MEGF9: variants seen among roughly 807,000 people sequenced by gnomAD.
MEGF9 encodes the protein multiple EGF like domains 9, also known as multiple epidermal growth factor-like domains protein 9.
MEGF9 carries 6 observed loss-of-function variants against 46.8 expected under a neutral mutation model. The ratio of observed to expected loss-of-function variants is 0.13; its 90% CI spans 0.07 to 0.25. The LOEUF is 0.25. Ranked by LOEUF, MEGF9 falls within the 10% of genes least tolerant of loss-of-function variation. MEGF9 has a pLI of 1.00. For synonymous variants in MEGF9, 302 were observed against 330.7 expected (o/e 0.91, Z 0.94); for missense variants, 683 against 792.4 (o/e 0.86, Z 1.66).
rs1227902269 is a variant in MEGF9 at position 120,713,790 on chromosome 9, G to A, written c.569C>T (p.Pro190Leu). Reference sequence around the variant, plus strand: ...AGGCGAAGAGGGGGCCTCGGTGGCAGGTGGGGTGGGGAGGACGCTGCTGTT... The same window carrying A: ...AGGCGAAGAGGGGGCCTCGGTGGCAAGTGGGGTGGGGAGGACGCTGCTGTT... Reference protein sequence around the residue: ...SSNSSVLPTPPATEAPSSPPP... With the variant: ...SSNSSVLPTPLATEAPSSPPP... The change falls in exon 1 of 6, where the codon CCT becomes CTT. Residue 190 changes from proline to leucine, a missense_variant. Transcript: ENST00000373930. 36 of 1,295,938 alleles carry A rather than the reference G, an allele frequency of 2.8e-5. No individual in the cohort carries two copies. The highest frequency in any genetic ancestry group is 3.0e-5 in the Non-Finnish European group (31 of 1,021,704). The allele number at this position is 1,295,938 out of a possible 1,614,324, so 80.3% of individuals were successfully genotyped here.
chr9:120,606,355 C>G (rs1338615539), intron 5 of MEGF9, among the ~76,000 whole-genome samples: 1 of 152,090 alleles, frequency 6.6e-6, no homozygotes, highest in Non-Finnish European at 1.5e-5. Context: ...ATAAGTCTAA[C>G]AAGTCTGATG....
At chr9:120,621,747 A>G (rs796730156) in intron 3 of MEGF9, among the ~76,000 whole-genome samples, 41 of 152,268 alleles carry the variant, frequency 2.7e-4, no homozygotes, top group African/African-American at 9.6e-4. Context: ...CACAGTATAT[A>G]AAAGAACCAG....
At chr9:120,641,156 T>G (rs924964976) in intron 2 of MEGF9, among the ~76,000 whole-genome samples, 1 of 152,188 alleles carries the variant, frequency 6.6e-6, no homozygotes, top group African/African-American at 2.4e-5. Flanking sequence ...GTGAATAGCA[T>G]GCACTTAATC....
chr9:120,606,311 G>C (rs1263399093), intron 5 of MEGF9, among the ~76,000 whole-genome samples: 1 of 152,038 alleles, frequency 6.6e-6, no homozygotes, highest in Non-Finnish European at 1.5e-5. Context: ...ATAGTTAAAA[G>C]TAACAGGGAT....
At chr9:120,647,446 A>G (rs1047407768) in intron 2 of MEGF9, among the ~76,000 whole-genome samples, 3 of 152,200 alleles carry the variant, frequency 2.0e-5, no homozygotes, top group African/African-American at 7.2e-5. Flanking sequence ...CTATACAAGC[A>G]TTTATTGAAT....
chr9:120,713,082 A>C (rs895506308), intron 1 of MEGF9, among the ~76,000 whole-genome samples: 1 of 152,216 alleles, frequency 6.6e-6, no homozygotes, highest in African/African-American at 2.4e-5. Flanking sequence ...GGAAGAAAAA[A>C]ATGGTGCGAG....
chr9:120,626,258 A>C (rs2043525113), intron 2 of MEGF9, among the ~76,000 whole-genome samples: 1 of 152,250 alleles, frequency 6.6e-6, no homozygotes, highest in South Asian at 2.1e-4. Context: ...AAAAAAAAGA[A>C]TATAGAATTA....
At chr9:120,694,832 G>A (rs969428636) in intron 1 of MEGF9, among the ~76,000 whole-genome samples, 4 of 152,222 alleles carry the variant, frequency 2.6e-5, no homozygotes, top group Middle Eastern at 3.4e-3. Flanking sequence ...AGATGAATAA[G>A]GCAGTTTCTG....
intron 1 of MEGF9, among the ~76,000 whole-genome samples, chr9:120,695,575 G>C (rs764148016): frequency 7.9e-5 from 10 of 126,764 alleles, no homozygotes; most frequent in Admixed American, 3.8e-4. Flanking sequence ...CTGCACTCCA[G>C]CCTGGGTGAC....
At chr9:120,673,698 T>C (rs947346028) in intron 1 of MEGF9, among the ~76,000 whole-genome samples, 2 of 151,780 alleles carry the variant, frequency 1.3e-5, no homozygotes, top group Admixed American at 1.3e-4. Context: ...CCGGGCACGG[T>C]GGCTCACGCC....
At chr9:120,688,682 G>A (rs997809121) in intron 1 of MEGF9, among the ~76,000 whole-genome samples, 1 of 152,152 alleles carries the variant, frequency 6.6e-6, no homozygotes, top group African/African-American at 2.4e-5. Context: ...GAGGTGGAGA[G>A]TAACTACATG....
intron 3 of MEGF9, among the ~76,000 whole-genome samples, chr9:120,620,228 A>G (rs543556024): frequency 2.0e-4 from 31 of 152,348 alleles, no homozygotes; most frequent in Middle Eastern, 3.4e-3. Flanking sequence ...ACTGAGAATC[A>G]GCAATGTAGA....
chr9:120,662,756 C>T (rs1406326498), intron 1 of MEGF9, among the ~76,000 whole-genome samples: 2 of 152,210 alleles, frequency 1.3e-5, no homozygotes, highest in Admixed American at 6.5e-5. Flanking sequence ...GTTAGATTCA[C>T]AGGCTATAGC....
At chr9:120,653,329 T>C (rs994721253) in intron 2 of MEGF9, among the ~76,000 whole-genome samples, 3 of 152,136 alleles carry the variant, frequency 2.0e-5, no homozygotes, top group Non-Finnish European at 4.4e-5. Flanking sequence ...CACTACTTGT[T>C]CTGACAAATT....
intron 2 of MEGF9, among the ~76,000 whole-genome samples, chr9:120,650,499 G>A (rs1021088049): frequency 6.2e-4 from 94 of 151,590 alleles, no homozygotes; most frequent in African/African-American, 2.2e-3. Flanking sequence ...GTGGACATCC[G>A]TCAGTACATA....
At chr9:120,680,333 G>A (rs576746846) in intron 1 of MEGF9, among the ~76,000 whole-genome samples, 1 of 152,234 alleles carries the variant, frequency 6.6e-6, no homozygotes, top group South Asian at 2.1e-4. Context: ...CCAGGTATTC[G>A]AAGGGACTTG....
At position 120,711,792 on chromosome 9, in the gene MEGF9, A is replaced by G. The variant is rs375863057; in HGVS notation, c.601+1966T>C. On this transcript the variant is annotated intron_variant, in intron 1 of 5. Coordinates refer to ENST00000373930, the MANE Select transcript of MEGF9 (RefSeq NM_001080497.3). ...TTATATTTTACTAAAACAAATAAAA[A>G]TCACCCCAAGTCCCTACTAGTTTTC... Among the ~76,000 whole-genome samples, 15 of 151,800 alleles carry G rather than the reference A, an allele frequency of 9.9e-5. No homozygotes were observed. In the East Asian group the frequency reaches 2.5e-3, roughly 25 times the overall value.
chr9:120,607,756 T>A lies in MEGF9; in HGVS notation c.1342A>T (p.Asn448Tyr). 1 of 1,609,534 alleles carries A rather than the reference T, an allele frequency of 6.2e-7. No individual in the cohort carries two copies. Among genetic ancestry groups the A allele is most frequent in the South Asian group, 1.1e-5 (1 of 91,036 alleles). Residue 448 changes from asparagine (N) to tyrosine (Y), a missense_variant, in exon 5 of 6, where the codon AAT becomes TAT. Asn to Tyr is a moderately radical substitution (Grantham distance 143). Coordinates refer to ENST00000373930, the MANE Select transcript of MEGF9 (RefSeq NM_001080497.3). ...GAAGTTTTACCTTTCTTGATGCAAT[T>A]TCCCTCGAGGTCGTGAACATAACCT... ...LEGYVHDLEGNCIKKEVILPT... is the reference protein window; with the variant it reads ...LEGYVHDLEGYCIKKEVILPT...
At chr9:120,687,629 G>T (rs530023424) in intron 1 of MEGF9, among the ~76,000 whole-genome samples, 2 of 150,724 alleles carry the variant, frequency 1.3e-5, no homozygotes, top group Non-Finnish European at 3.0e-5. Context: ...AAAAAGCATG[G>T]TAAGAGTTCA....
Sources: allele counts gnomAD v4.1 joint callset (sites outside exome capture counted in the v4.1 genomes callset), GRCh38; gene constraint gnomAD v4.1.1; transcripts MANE v1.5; gene names NCBI Gene and HGNC (gene_info 2026-07-23, HGNC 2026-07-21).